CNIH3: variants seen among roughly 807,000 people sequenced by gnomAD.
CNIH3 encodes the protein protein cornichon homolog 3.
Under a neutral mutation model 24.1 loss-of-function variants are expected in CNIH3, and 14 were observed. That is an observed-to-expected ratio of 0.58 (90% CI 0.38 to 0.91). The LOEUF is 0.91. Ranked by LOEUF, CNIH3 falls within the 40% of genes least tolerant of loss-of-function variation. The pLI, the probability that CNIH3 is intolerant of heterozygous loss-of-function variation, is 0.00. For missense variants in CNIH3, 178 were observed against 196.8 expected, an observed-to-expected ratio of 0.90 and a Z score of 0.57; for synonymous variants, 68 against 73.8, an observed-to-expected ratio of 0.92 and a Z score of 0.40.
downstream of CNIH3, among the ~76,000 whole-genome samples, chr1:224,538,830 A>ATTTT (rs71574506): frequency 4.0e-5 from 5 of 124,182 alleles, no homozygotes; most frequent in South Asian, 2.6e-4. Context: ...AGCTAATTAC[A>ATTTT]TTTTTTTTTT....
intron 3 of CNIH3, among the ~76,000 whole-genome samples, chr1:224,593,734 G>A (rs1369727734): frequency 1.3e-5 from 2 of 152,152 alleles, no homozygotes; most frequent in Non-Finnish European, 2.9e-5. Flanking sequence ...CAGGACGTGA[G>A]CAAATTTAGG....
chr1:224,488,346 CT>C (rs1227107496), intron 1 of CNIH3, among the ~76,000 whole-genome samples: 1 of 151,718 alleles, frequency 6.6e-6, no homozygotes, highest in Non-Finnish European at 1.5e-5. Flanking sequence ...TTTTTCCCAT[CT>C]TTTTTCGCTC....
chr1:224,584,669 G>C (rs1404410055), intron 5 of CNIH3, among the ~76,000 whole-genome samples: 1 of 152,196 alleles, frequency 6.6e-6, no homozygotes. Context: ...CTGGCTGCAT[G>C]ATTCAGCATT....
intron 1 of CNIH3, among the ~76,000 whole-genome samples, chr1:224,517,859 G>T (rs1182643884): frequency 5.3e-5 from 8 of 152,132 alleles, no homozygotes; most frequent in African/African-American, 1.7e-4. Context: ...GAAACACTAG[G>T]ATGTTATTAC....
intron 1 of CNIH3, among the ~76,000 whole-genome samples, chr1:224,480,531 T>C (rs1676765969): frequency 6.6e-6 from 1 of 152,228 alleles, no homozygotes; most frequent in Non-Finnish European, 1.5e-5. Flanking sequence ...GCTTCCCTTA[T>C]AAAACTGAGT....
intron 1 of CNIH3, among the ~76,000 whole-genome samples, chr1:224,667,570 C>T (rs1685654137): frequency 6.6e-6 from 1 of 152,104 alleles, no homozygotes; most frequent in Non-Finnish European, 1.5e-5. Flanking sequence ...AGAGTTGCTC[C>T]AACTCATCTC....
chr1:224,532,786 G>T (rs1009639430), intron 2 of CNIH3, among the ~76,000 whole-genome samples: 13 of 152,124 alleles, frequency 8.5e-5, no homozygotes, highest in Non-Finnish European at 1.6e-4. Context: ...AATGCTAAAT[G>T]CTGTAGTAAA....
At chr1:224,488,556 G>T (rs1677119248) in intron 1 of CNIH3, among the ~76,000 whole-genome samples, 1 of 152,034 alleles carries the variant, frequency 6.6e-6, no homozygotes. Context: ...GAGCTCCTGG[G>T]CTCAAGCAAT....
At chr1:224,687,004 C>T (rs1686694315) in intron 3 of CNIH3, among the ~76,000 whole-genome samples, 1 of 152,236 alleles carries the variant, frequency 6.6e-6, no homozygotes, top group Non-Finnish European at 1.5e-5. Flanking sequence ...ACTGCCTCTG[C>T]TGCAGCTTCT....
intron 1 of CNIH3, among the ~76,000 whole-genome samples, chr1:224,646,185 G>C (rs530764711): frequency 6.6e-6 from 1 of 152,328 alleles, no homozygotes; most frequent in South Asian, 2.1e-4. Flanking sequence ...CGTTTGATTG[G>C]AGACATCACA....
intron 3 of CNIH3, among the ~76,000 whole-genome samples, chr1:224,693,498 G>A (rs909716179): frequency 3.3e-5 from 5 of 152,212 alleles, no homozygotes; most frequent in Non-Finnish European, 5.9e-5. Flanking sequence ...TTCTGGTCTT[G>A]GCTGGAGCTC....
upstream of CNIH3, among the ~76,000 whole-genome samples, chr1:224,511,337 CAA>C (rs1256974284): frequency 6.6e-6 from 1 of 152,102 alleles, no homozygotes; most frequent in Non-Finnish European, 1.5e-5. Flanking sequence ...TAGGAGGTGA[CAA>C]GAGGTGGAAT....
intron 4 of CNIH3, chr1:224,575,442 ATTT>A: frequency 1.5e-5 from 10 of 673,814 alleles, no homozygotes; most frequent in Admixed American, 7.9e-5. Context: ...TTTCTGTCTC[ATTT>A]TTTTTTTTCC....
At chr1:224,517,756 C>G (rs1254576498) in intron 1 of CNIH3, among the ~76,000 whole-genome samples, 1 of 152,130 alleles carries the variant, frequency 6.6e-6, no homozygotes, top group Admixed American at 6.5e-5. Flanking sequence ...AGATACTTCA[C>G]TTAGAATAAC....
intron 4 of CNIH3, among the ~76,000 whole-genome samples, chr1:224,572,532 A>G (rs1680862823): frequency 6.6e-6 from 1 of 151,764 alleles, no homozygotes; most frequent in African/African-American, 2.4e-5. Context: ...AAAAAAAAAA[A>G]AAGAATTCAC....
chr1:224,568,411 G>A (rs1012857145), intron 4 of CNIH3, among the ~76,000 whole-genome samples: 1 of 152,226 alleles, frequency 6.6e-6, no homozygotes, highest in Admixed American at 6.5e-5. Context: ...TCATTTAATT[G>A]TTTTGATTAG....
At chr1:224,471,587 TTCTC>T (rs1011163816) in intron 1 of CNIH3, among the ~76,000 whole-genome samples, 1 of 151,370 alleles carries the variant, frequency 6.6e-6, no homozygotes, top group Non-Finnish European at 1.5e-5. Context: ...CAGAATCTCA[TTCTC>T]TCTTTTTTTT....
At chr1:224,602,743 C>T (rs927469105) in intron 3 of CNIH3, among the ~76,000 whole-genome samples, 7 of 152,162 alleles carry the variant, frequency 4.6e-5, no homozygotes, top group Admixed American at 1.3e-4. Context: ...TCAACAAAAA[C>T]CAGTATATTT....
intron 1 of CNIH3, among the ~76,000 whole-genome samples, chr1:224,452,128 G>A (rs535947268): frequency 2.7e-5 from 4 of 148,944 alleles, no homozygotes; most frequent in Non-Finnish European, 5.9e-5. Flanking sequence ...TAAGACGAAA[G>A]TGAACTATTT....
Sources: allele counts gnomAD v4.1 joint callset (sites outside exome capture counted in the v4.1 genomes callset), GRCh38; gene constraint gnomAD v4.1.1; transcripts MANE v1.5; gene names NCBI Gene and HGNC (gene_info 2026-07-23, HGNC 2026-07-21).